Variants in TCAIM observed in about 807,000 individuals in gnomAD.
TCAIM encodes the protein T-cell activation inhibitor, mitochondrial.
A neutral mutation model predicts 58.6 loss-of-function variants in TCAIM; 36 were observed. The observed-to-expected ratio is 0.61, with a 90% confidence interval of 0.47 to 0.81. The LOEUF (loss-of-function observed/expected upper bound fraction) is 0.81. Ranked by LOEUF, TCAIM falls within the 30% of genes least tolerant of loss-of-function variation. The pLI, the probability that TCAIM is intolerant of heterozygous loss-of-function variation, is 0.00. For synonymous variants in TCAIM, 172 were observed against 193.6 expected, an observed-to-expected ratio of 0.89 and a Z score of 0.93; for missense variants, 466 against 579.6, an observed-to-expected ratio of 0.80 and a Z score of 2.01.
Position 44,361,508 on chromosome 3 carries a change from T to G in TCAIM, c.309T>G (p.Phe103Leu). 1 of 1,594,866 alleles carries G rather than the reference T, an allele frequency of 6.3e-7. No homozygotes were observed. The highest frequency in any genetic ancestry group is 8.5e-7 in the Non-Finnish European group (1 of 1,173,462). The change falls in exon 4 of 11, where the codon TTT (phenylalanine) becomes TTG (leucine). Residue 103 changes from phenylalanine to leucine, a missense_variant. Physicochemically the swap from Phe to Leu is conservative, Grantham distance 22 (BLOSUM62 0). Coordinates refer to ENST00000342649, the MANE Select transcript of TCAIM (RefSeq NM_173826.4). ...DQSSSDGQEP[F>L]STSGFRAVKF... ...GTTCCTCCGATGGCCAGGAACCTTT[T>G]AGTACTTCCGGTACGTTTTTTATTT...
In TCAIM at chr3:44,407,563, G is replaced by T; in HGVS notation, c.1372G>T (p.Glu458Ter). Reference protein sequence around the residue: ...QMVDCCKRLLEQSLPYLHGMH... With the variant: ...QMVDCCKRLL Reference sequence around the variant, plus strand: ...GGTGGATTGTTGTAAGAGACTTCTAGAACAATCACTGCCTTACCTACATGG... The same window carrying T: ...GGTGGATTGTTGTAAGAGACTTCTATAACAATCACTGCCTTACCTACATGG... Residue 458 changes from glutamate (E) to a stop codon, truncating the protein, a stop_gained, in exon 11 of 11, where the codon GAA becomes TAA. Transcript: ENST00000342649. LOFTEE classifies it high-confidence loss of function. 6.2e-7 allele frequency: 1 copy of T among 1,613,974 alleles called. No homozygotes were observed. The highest frequency in any genetic ancestry group is 8.5e-7 in the Non-Finnish European group (1 of 1,179,964).
At chr3:44,393,538 G>A (rs188529408) in intron 6 of TCAIM, among the ~76,000 whole-genome samples, 105 of 152,094 alleles carry the variant, frequency 6.9e-4, no homozygotes, top group East Asian at 1.5e-3. Context: ...CATTTTTGGC[G>A]TAATAAACTT....
intron 3 of TCAIM, among the ~76,000 whole-genome samples, chr3:44,361,036 G>T (rs1477265184): frequency 1.3e-5 from 2 of 152,202 alleles, no homozygotes; most frequent in Admixed American, 6.5e-5. Context: ...CATCATATTA[G>T]AATAAATTAA....
chr3:44,363,952 C>T (rs1045042483), intron 4 of TCAIM, among the ~76,000 whole-genome samples: 14 of 83,776 alleles, frequency 1.7e-4, no homozygotes, highest in African/African-American at 6.2e-4. Flanking sequence ...TTTTTTCATA[C>T]GGAGTCTCAC....
intron 4 of TCAIM, 26 bp downstream of exon 4, chr3:44,361,544 C>T: frequency 1.3e-6 from 2 of 1,545,398 alleles, no homozygotes; most frequent in South Asian, 2.6e-5. Flanking sequence ...CTGGTGTGTC[C>T]CTTGCAAGCT....
intron 5 of TCAIM, among the ~76,000 whole-genome samples, chr3:44,383,534 G>A (rs1168654382): frequency 6.6e-6 from 1 of 152,116 alleles, no homozygotes; most frequent in Non-Finnish European, 1.5e-5. Context: ...CGGTTGCCAG[G>A]GACTGGAGGG....
At chr3:44,350,366 G>A (rs1392767233) in intron 1 of TCAIM, among the ~76,000 whole-genome samples, 1 of 151,990 alleles carries the variant, frequency 6.6e-6, no homozygotes, top group Non-Finnish European at 1.5e-5. Context: ...GGATGTGTAT[G>A]TGCAGGCTTG....
chr3:44,364,066 C>A (rs1480139425), intron 4 of TCAIM, among the ~76,000 whole-genome samples: 1 of 150,748 alleles, frequency 6.6e-6, no homozygotes, highest in Non-Finnish European at 1.5e-5. Flanking sequence ...GTAGCTGGGA[C>A]TACAGGCAAG....
At chr3:44,393,093 T>G in intron 6 of TCAIM, 116 bp downstream of exon 6, 2 of 802,360 alleles carry the variant, frequency 2.5e-6, no homozygotes, top group Non-Finnish European at 4.1e-6. Context: ...CTGAGTACTC[T>G]TCAATTATCT....
chr3:44,340,762 T>A (rs911575202), intron 1 of TCAIM: 6 of 152,334 alleles, frequency 3.9e-5, no homozygotes, highest in African/African-American at 1.4e-4. Context: ...CAGATTCTGA[T>A]TCTGCAGGAC....
intron 5 of TCAIM, among the ~76,000 whole-genome samples, chr3:44,373,851 C>G (rs183851682): frequency 1.3e-5 from 2 of 152,100 alleles, no homozygotes. Flanking sequence ...AATTATATAG[C>G]TTGTATTTGA....
At chr3:44,377,084 C>T (rs1329810564) in intron 5 of TCAIM, among the ~76,000 whole-genome samples, 7 of 152,090 alleles carry the variant, frequency 4.6e-5, no homozygotes, top group South Asian at 4.1e-4. Context: ...AGTGAGACTC[C>T]GTCTCAAAAA....
chr3:44,352,919 A>ACTT (rs1193472080), intron 1 of TCAIM, among the ~76,000 whole-genome samples: 1 of 101,342 alleles, frequency 9.9e-6, no homozygotes, highest in Non-Finnish European at 2.1e-5. Context: ...TTTCAGATTG[A>ACTT]CTTCTTTTTT....
At chr3:44,396,258 C>A in intron 6 of TCAIM, 142 bp from the exon 7 acceptor site, 1 of 614,656 alleles carries the variant, frequency 1.6e-6, no homozygotes. Context: ...AGCTTAGAAA[C>A]ATATGATCAA....
intron 5 of TCAIM, among the ~76,000 whole-genome samples, chr3:44,374,372 A>G (rs1307548582): frequency 6.6e-6 from 1 of 151,058 alleles, no homozygotes; most frequent in Non-Finnish European, 1.5e-5. Context: ...TACTTCGTTT[A>G]GTTACATACA....
chr3:44,387,119 A>T (rs549599786), intron 5 of TCAIM, among the ~76,000 whole-genome samples: 1 of 152,156 alleles, frequency 6.6e-6, no homozygotes, highest in Non-Finnish European at 1.5e-5. Context: ...GGAAGGAGTT[A>T]CCCACTTCAG....
intron 1 of TCAIM, among the ~76,000 whole-genome samples, chr3:44,351,164 C>G (rs1257081202): frequency 6.6e-6 from 1 of 152,040 alleles, no homozygotes; most frequent in Admixed American, 6.6e-5. Flanking sequence ...AATTTTTGTG[C>G]TTTGGGCAGA....
intron 1 of TCAIM, chr3:44,339,736 A>G (rs1325809612): frequency 6.6e-6 from 1 of 152,120 alleles, no homozygotes; most frequent in Non-Finnish European, 1.5e-5. Flanking sequence ...TCCCCGCCCC[A>G]TTCCAAGTGT....
At chr3:44,371,230 T>C (rs941962010) in intron 5 of TCAIM, among the ~76,000 whole-genome samples, 9 of 151,656 alleles carry the variant, frequency 5.9e-5, no homozygotes, top group Non-Finnish European at 1.0e-4. Context: ...GTTAATTTTT[T>C]AATTTTTAGT....
Sources: gnomAD v4.1 joint callset for allele counts (sites outside exome capture counted in the v4.1 genomes callset) on GRCh38, gnomAD v4.1.1 for gene constraint, MANE v1.5 for transcripts, NCBI Gene and HGNC (gene_info 2026-07-23, HGNC 2026-07-21) for gene names.